The following NETO1 variants were observed in gnomAD, a reference collection of about 807,000 sequenced individuals.
The protein encoded by NETO1 is neuropilin and tolloid like 1.
Under a neutral mutation model 61.3 loss-of-function variants are expected in NETO1, and 26 were observed. The observed-to-expected ratio is 0.42, with a 90% CI of 0.31 to 0.59. NETO1 has a LOEUF of 0.59. NETO1 is among the 20% of genes least tolerant of loss of function. NETO1 has a pLI of 0.12. For synonymous variants in NETO1, 225 were observed against 225.8 expected, an observed-to-expected ratio of 1.00 and a Z score of 0.03; for missense variants, 531 against 662.8, an observed-to-expected ratio of 0.80 and a Z score of 2.18.
intron 7 of NETO1, among the ~76,000 whole-genome samples, chr18:72,764,607 C>T (rs1368875380): frequency 6.6e-6 from 1 of 152,096 alleles, no homozygotes; most frequent in Non-Finnish European, 1.5e-5. Context: ...CTTACATCCC[C>T]AGCTCTGACT....
At position 72,867,254 on chromosome 18, in the gene NETO1, G is replaced by T; in HGVS notation, c.28+10C>A. The T allele has an allele frequency of 6.5e-7, 1 of 1,549,896 alleles. No homozygotes were observed. Among genetic ancestry groups the T allele is most frequent in the Non-Finnish European group, 8.7e-7 (1 of 1,147,280 alleles). Reference sequence around the variant, plus strand: ...CGGGAGCGCACGGGCGCGGCGGGGAGGGTACTCACTGTGAAGCACGCTGCG... The same window carrying T: ...CGGGAGCGCACGGGCGCGGCGGGGATGGTACTCACTGTGAAGCACGCTGCG... On this transcript the variant is annotated intron_variant, in intron 1 of 10. Coordinates refer to ENST00000327305, the MANE Select transcript of NETO1 (RefSeq NM_138966.5).
rs574534231 is a variant in NETO1 at position 72,867,313 on chromosome 18, C to T, written c.-22G>A. On this transcript the variant is annotated 5_prime_UTR_variant, in exon 1 of 11. Transcript: ENST00000327305. ...TCATGTCTGTGCGTTACACCAGAGG[C>T]TCCGGGCTCCACTAATTCCATTTAG... 1.3e-4 allele frequency: 210 copies of T among 1,561,958 alleles called. 5 individuals carry two copies. The South Asian group carries it at 2.4e-3, about 18-fold the overall frequency.
At chr18:72,797,494 A>G (rs1475119949) in intron 4 of NETO1, among the ~76,000 whole-genome samples, 1 of 152,254 alleles carries the variant, frequency 6.6e-6, no homozygotes, top group Non-Finnish European at 1.5e-5. Context: ...TTGAACTAAG[A>G]TTATAAAGAT....
intron 6 of NETO1, among the ~76,000 whole-genome samples, chr18:72,787,842 AAAG>A (rs1262008450): frequency 2.0e-5 from 3 of 152,326 alleles, no homozygotes; most frequent in South Asian, 2.1e-4. Context: ...TATAGCCCAG[AAAG>A]AAAGTTATAT....
chr18:72,854,198 AGCT>A, intron 4 of NETO1, among the ~76,000 whole-genome samples: 1 of 152,164 alleles, frequency 6.6e-6, no homozygotes, highest in Non-Finnish European at 1.5e-5. Context: ...AAACACTTTG[AGCT>A]CCCCAGATGA....
intron 3 of NETO1, among the ~76,000 whole-genome samples, chr18:72,860,556 A>C (rs2074540033): frequency 6.6e-6 from 1 of 152,208 alleles, no homozygotes; most frequent in Non-Finnish European, 1.5e-5. Flanking sequence ...TTTTAAAATG[A>C]ATTATTTTAT....
intron 7 of NETO1, among the ~76,000 whole-genome samples, chr18:72,780,187 C>T (rs766429779): frequency 6.6e-6 from 1 of 152,124 alleles, no homozygotes; most frequent in Non-Finnish European, 1.5e-5. Context: ...TGGAAACTTC[C>T]TGTAAATTTA....
chr18:72,860,147 T>C (rs1391953901), intron 3 of NETO1, among the ~76,000 whole-genome samples: 1 of 152,214 alleles, frequency 6.6e-6, no homozygotes, highest in Non-Finnish European at 1.5e-5. Context: ...TACTCCAGAA[T>C]GGCCATAAAA....
At chr18:72,780,979 C>T (rs1250593525) in intron 7 of NETO1, among the ~76,000 whole-genome samples, 1 of 152,086 alleles carries the variant, frequency 6.6e-6, no homozygotes, top group African/African-American at 2.4e-5. Flanking sequence ...AACTTTAATA[C>T]AGGCTAATGT....
intron 7 of NETO1, among the ~76,000 whole-genome samples, chr18:72,760,570 C>T (rs1268968223): frequency 6.6e-6 from 1 of 152,144 alleles, no homozygotes; most frequent in Non-Finnish European, 1.5e-5. Flanking sequence ...TCCCTTGCAT[C>T]CTGGCCACCT....
intron 4 of NETO1, among the ~76,000 whole-genome samples, chr18:72,814,310 G>A (rs1251350431): frequency 6.6e-6 from 1 of 152,018 alleles, no homozygotes; most frequent in Admixed American, 6.6e-5. Flanking sequence ...TTTTTCAAGG[G>A]AATAATGACA....
intron 7 of NETO1, among the ~76,000 whole-genome samples, chr18:72,772,789 A>G (rs1423910078): frequency 1.0e-5 from 1 of 98,824 alleles, no homozygotes; most frequent in Non-Finnish European, 2.1e-5. Flanking sequence ...AGATCTCTAT[A>G]TAGTTCTCTC....
intron 7 of NETO1, among the ~76,000 whole-genome samples, chr18:72,758,960 C>T (rs753528921): frequency 6.6e-6 from 1 of 152,100 alleles, no homozygotes; most frequent in Non-Finnish European, 1.5e-5. Context: ...TATTGGGTTC[C>T]GAATTTCCTC....
rs947709051 is a variant in NETO1 at position 72,747,555 on chromosome 18, G to A, written c.*624C>T. ...CAAAAAGGAAATCAGGGGTATACAGGAAAGACCAAAAAATGAATTTTTTTA... is the reference window on the plus strand; with the variant it reads ...CAAAAAGGAAATCAGGGGTATACAGAAAAGACCAAAAAATGAATTTTTTTA... On this transcript the variant is annotated 3_prime_UTR_variant, in exon 11 of 11. Transcript: ENST00000327305. 1.6e-4 allele frequency: 24 copies of A among 151,972 alleles called. No individual in the cohort carries two copies. Among genetic ancestry groups the A allele is most frequent in the African/African-American group, 5.8e-4 (24 of 41,408 alleles). 9.4% of individuals were successfully genotyped at this position (151,972 alleles called of 1,614,324 possible).
intron 6 of NETO1, among the ~76,000 whole-genome samples, chr18:72,793,814 C>A (rs1453807466): frequency 6.6e-6 from 1 of 152,212 alleles, no homozygotes; most frequent in South Asian, 2.1e-4. Context: ...TGTAGTTACA[C>A]TAAGAGCCAC....
intron 4 of NETO1, among the ~76,000 whole-genome samples, chr18:72,813,767 AAGG>A (rs1200824721): frequency 6.6e-6 from 1 of 152,168 alleles, no homozygotes; most frequent in African/African-American, 2.4e-5. Flanking sequence ...TGAGAAAATA[AAGG>A]AGAAGTTAAA....
At chr18:72,764,061 T>G (rs1372094870) in intron 7 of NETO1, among the ~76,000 whole-genome samples, 1 of 152,130 alleles carries the variant, frequency 6.6e-6, no homozygotes, top group African/African-American at 2.4e-5. Flanking sequence ...GGAAACTGTC[T>G]CTATGATTCA....
chr18:72,838,734 C>T (rs1013449509), intron 4 of NETO1, among the ~76,000 whole-genome samples: 5 of 152,166 alleles, frequency 3.3e-5, no homozygotes, highest in African/African-American at 1.2e-4. Flanking sequence ...TGCTTCTACT[C>T]TAAGACTTTG....
chr18:72,849,361 C>T (rs1402901980), intron 4 of NETO1, among the ~76,000 whole-genome samples: 2 of 152,154 alleles, frequency 1.3e-5, no homozygotes, highest in Non-Finnish European at 2.9e-5. Context: ...TCGTCATCAG[C>T]ACCTATAAAC....
Sources: gnomAD v4.1 joint callset for allele counts (sites outside exome capture counted in the v4.1 genomes callset) on GRCh38, gnomAD v4.1.1 for gene constraint, MANE v1.5 for transcripts, NCBI Gene and HGNC (gene_info 2026-07-23, HGNC 2026-07-21) for gene names.